Variants in C1QTNF5 observed in about 807,000 individuals in gnomAD.
C1QTNF5 encodes complement C1q tumor necrosis factor-related protein 5.
A neutral mutation model predicts 10.9 loss-of-function variants in C1QTNF5; 5 were observed. The ratio of observed to expected loss-of-function variants is 0.46; its 90% CI spans 0.24 to 0.97. C1QTNF5 has a LOEUF of 0.97. C1QTNF5 is among the 50% of genes least tolerant of loss of function. C1QTNF5 has a pLI of 0.19. For synonymous variants in C1QTNF5, 161 were observed against 156.5 expected, an observed-to-expected ratio of 1.03 and a Z score of -0.22; for missense variants, 281 against 339.4, an observed-to-expected ratio of 0.83 and a Z score of 1.35.
Position 119,339,643 on chromosome 11 carries a change from G to A in C1QTNF5, c.420C>T (p.Thr140=), listed in dbSNP as rs1228782830. 6.2e-7 allele frequency: 1 copy of A among 1,612,560 alleles called. No individual in the cohort carries two copies. Among genetic ancestry groups the A allele is most frequent in the Admixed American group, 1.7e-5 (1 of 60,012 alleles). The stretch of plus-strand genomic sequence containing the variant: ...CAGGCACCTGGCAGGTGAACTTGCC[G>A]GTGACGGCGTCGTAATGTCCCTGCT... ...VNEQGHYDAV[T]GKFTCQVPGV... Residue 140 remains threonine (T), a synonymous_variant, in exon 3 of 3, where the codon ACC becomes ACT. Transcript: ENST00000528368. The surrounding 1 kb of genome is among the most constrained non-coding windows in gnomAD (Gnocchi z 5.4).
upstream of C1QTNF5, chr11:119,344,677 A>G (rs368713660): frequency 1.4e-5 from 23 of 1,613,970 alleles, no homozygotes; most frequent in South Asian, 2.2e-5. Context: ...CCGTCAGCAC[A>G]GTTGGCAAAA....
At chr11:119,346,132 T>C in the C1QTNF5 span, 4 of 1,602,004 alleles carry the variant, frequency 2.5e-6, no homozygotes, top group Non-Finnish European at 3.4e-6. Flanking sequence ...GAAGCGGCAG[T>C]CTGGCCGTAG....
chr11:119,346,369 C>T, the C1QTNF5 span: 12 of 1,613,908 alleles, frequency 7.4e-6, no homozygotes, highest in Non-Finnish European at 1.0e-5. Context: ...GATTGCAGAA[C>T]TCGGTCTGGA....
upstream of C1QTNF5, among the ~76,000 whole-genome samples, chr11:119,345,266 C>T (rs1358220474): frequency 1.3e-5 from 2 of 152,202 alleles, no homozygotes; most frequent in Non-Finnish European, 2.9e-5. Flanking sequence ...TGATCTTCCT[C>T]ACGGCACACA....
At chr11:119,340,554 CG>C in intron 1 of C1QTNF5, 114 bp from the exon 2 acceptor site, 1 of 764,294 alleles carries the variant, frequency 1.3e-6, no homozygotes, top group Non-Finnish European at 2.1e-6. Flanking sequence ...TGAGGCTGAG[CG>C]CTCGCAGGGC....
chr11:119,340,055 G>A lies in C1QTNF5; in HGVS notation c.214+129C>T, dbSNP rs562856084. 3.4e-4 allele frequency: 439 copies of A among 1,294,694 alleles called. 1 individual carries two copies. The highest frequency in any genetic ancestry group is 4.2e-4 in the Non-Finnish European group (419 of 988,794). 80.2% of individuals were successfully genotyped at this position (1,294,694 alleles called of 1,614,324 possible). A position where few individuals can be genotyped will look rare whatever the true frequency, so the allele number is the denominator to read the frequency against. ...CTCCCGCCGCCTGGGCCCCTCCCCC[G>A]CTCAGGGCTGCAAAGCGCGGGGAGT... On this transcript the variant is annotated intron_variant, in intron 2 of 2. Transcript: ENST00000528368.
rs1182145110 is a variant in C1QTNF5 at position 119,339,589 on chromosome 11, G to C, written c.474C>G (p.Thr158=). The C allele has an allele frequency of 3.7e-6, 6 of 1,613,254 alleles. No homozygotes were observed. Among genetic ancestry groups the C allele is most frequent in the Non-Finnish European group, 5.1e-6 (6 of 1,180,054 alleles). ...CAAACTGCAGGCTGGCCCGGTAGAC[G>C]GTGGCATGGACGGCGAAGTAGTAGA... ...PGVYYFAVHA[T]VYRASLQFDL... The change falls in exon 3 of 3, where the codon ACC becomes ACG. Residue 158 remains threonine, a synonymous_variant. Coordinates refer to ENST00000528368, the MANE Select transcript of C1QTNF5 (RefSeq NM_001278431.2). This position sits in a 1 kb window ranked among gnomAD's most constrained non-coding sequence, Gnocchi z 5.4.
chr11:119,341,610 A>T, upstream of C1QTNF5: 10 of 1,612,972 alleles, frequency 6.2e-6, no homozygotes, highest in Non-Finnish European at 8.5e-6. Context: ...TTGAAGGGCC[A>T]GGGGGTGCCC....
At position 119,340,338 on chromosome 11, in the gene C1QTNF5, G is replaced by A. The variant is rs1427104534; in HGVS notation, c.60C>T (p.Asp20=). The A allele has an allele frequency of 4.5e-6, 7 of 1,543,706 alleles. No homozygotes were observed. The South Asian group carries it at 4.8e-5, about 11-fold the overall frequency. Reference sequence around the variant, plus strand: ...GGCAGAGGCTGGGGATCTTGTTGTCGTCCAGTGGGGGCGAGCCGGCCGCCA... The same window carrying A: ...GGCAGAGGCTGGGGATCTTGTTGTCATCCAGTGGGGGCGAGCCGGCCGCCA... ...LGLAAGSPPL[D]DNKIPSLCPG... is the part of the protein sequence containing the mutation. The change falls in exon 2 of 3, where the codon GAC becomes GAT. Residue 20 remains aspartate (D), a synonymous_variant. Transcript: ENST00000528368.
At chr11:119,345,554 G>A (rs1950555004), upstream of C1QTNF5, 2 of 1,613,990 alleles carry the variant, frequency 1.2e-6, no homozygotes, top group Non-Finnish European at 1.7e-6. Flanking sequence ...GCCACACGCA[G>A]TGGGTGTTGG....
chr11:119,340,535 C>T, intron 1 of C1QTNF5, 95 bp from the exon 2 acceptor site: 4 of 921,344 alleles, frequency 4.3e-6, no homozygotes, highest in Non-Finnish European at 4.9e-6. Flanking sequence ...CACCCCACTG[C>T]CGTGCCCCTG....
upstream of C1QTNF5, chr11:119,345,620 G>A (rs774932318): frequency 3.7e-6 from 6 of 1,613,742 alleles, no homozygotes; most frequent in Non-Finnish European, 5.1e-6. Flanking sequence ...GGCCAGAGAG[G>A]AGGCCTCCAC....
rs1440525044 is a variant in C1QTNF5, at chr11:119,340,772, CCGCGCTTCTCCCCGGCCAGG to C, written c.-141_-122del. The C allele has an allele frequency of 3.8e-6, 1 of 261,452 alleles. No homozygotes were observed. Among genetic ancestry groups the C allele is most frequent in the Non-Finnish European group, 7.3e-6 (1 of 136,096 alleles). The allele number at this position is 261,452 out of a possible 1,614,324, so 16.2% of individuals were successfully genotyped here. On this transcript the variant is annotated 5_prime_UTR_variant, in exon 1 of 3. Transcript: ENST00000528368. ...CCTCCAGTTGGTGGTGCTCCAGCCCCCGCGCTTCTCCCCGGCCAGGCGCCCCCTGCCCTGCCGTCACCCCA... is the reference window on the plus strand; with the variant it reads ...CCTCCAGTTGGTGGTGCTCCAGCCCCCGCCCCCTGCCCTGCCGTCACCCCA...
At chr11:119,340,038 G>A (rs571601366) in intron 2 of C1QTNF5, 146 bp downstream of exon 2, 2 of 1,248,798 alleles carry the variant, frequency 1.6e-6, no homozygotes, top group South Asian at 1.7e-5. Context: ...GGCTCCCGCC[G>A]CCTGGGCCCC....
chr11:119,346,418 C>A, the C1QTNF5 span: 1 of 1,613,746 alleles, frequency 6.2e-7, no homozygotes, highest in Non-Finnish European at 8.5e-7. Context: ...GCAGTGACCA[C>A]TGGTGCTGGG....
upstream of C1QTNF5, chr11:119,345,524 G>C: frequency 6.2e-7 from 1 of 1,614,116 alleles, no homozygotes; most frequent in Non-Finnish European, 8.5e-7. Flanking sequence ...GTATTGCATG[G>C]TCTGTGGCCA....
At chr11:119,341,106 A>G, upstream of C1QTNF5, 1 of 206,336 alleles carries the variant, frequency 4.8e-6, no homozygotes, top group South Asian at 8.0e-5. Context: ...CATTTCAGGG[A>G]GAAATACGCA....
upstream of C1QTNF5, among the ~76,000 whole-genome samples, chr11:119,343,507 A>G (rs185693094): frequency 2.6e-3 from 402 of 152,210 alleles, 6 homozygotes; most frequent in Non-Finnish European, 3.8e-4. Context: ...ACAAAGTGAC[A>G]CTCTGCCTCA....
Position 119,340,743 on chromosome 11 carries a change from G to C in C1QTNF5, c.-92C>G. The C allele has an allele frequency of 3.0e-6, 1 of 331,312 alleles. No homozygotes were observed. Among genetic ancestry groups the C allele is most frequent in the Non-Finnish European group, 5.5e-6 (1 of 180,342 alleles). The allele number at this position is 331,312 out of a possible 1,614,324, so 20.5% of individuals were successfully genotyped here. On this transcript the variant is annotated 5_prime_UTR_variant, in exon 1 of 3. Transcript: ENST00000528368. ...CCTCCTTCGGGGCGCTCGCTACTCC[G>C]GACCCTCCAGTTGGTGGTGCTCCAG...
Sources: gnomAD v4.1 joint callset for allele counts (sites outside exome capture counted in the v4.1 genomes callset) on GRCh38, gnomAD v4.1.1 for gene constraint, Gnocchi (gnomAD v3.1) non-coding constraint, MANE v1.5 for transcripts, NCBI Gene and HGNC (gene_info 2026-07-23, HGNC 2026-07-21) for gene names.